Variants in CAMKMT observed in about 807,000 individuals in gnomAD.
The protein encoded by CAMKMT is calmodulin-lysine N-methyltransferase, also known as CaM KMT.
CAMKMT carries 53 observed loss-of-function variants against 48.0 expected under a neutral mutation model. The ratio of observed to expected loss-of-function variants is 1.10; its 90% CI spans 0.89 to 1.39. The LOEUF (loss-of-function observed/expected upper bound fraction) is 1.39, where lower values mean the gene tolerates loss of function less well. Among genes scored for constraint, CAMKMT ranks in the 40% most tolerant of loss-of-function variants. The pLI, the probability that CAMKMT is intolerant of heterozygous loss-of-function variation, is 0.00. For synonymous variants in CAMKMT, 165 were observed against 152.3 expected (o/e 1.08, Z -0.61); for missense variants, 428 against 402.7 (o/e 1.06, Z -0.54).
chr2:44,751,447 G>A (rs1383434547), intron 8 of CAMKMT, among the ~76,000 whole-genome samples: 1 of 152,170 alleles, frequency 6.6e-6, no homozygotes, highest in Non-Finnish European at 1.5e-5. Context: ...GCTGTAAAAT[G>A]TGGACAATAA....
intron 3 of CAMKMT, among the ~76,000 whole-genome samples, chr2:44,570,064 CA>C (rs913237573): frequency 3.3e-5 from 5 of 152,002 alleles, no homozygotes; most frequent in Admixed American, 2.6e-4. Flanking sequence ...AGATTATCCC[CA>C]TATCAGGTAT....
At chr2:44,593,282 A>C (rs748387167) in intron 3 of CAMKMT, among the ~76,000 whole-genome samples, 1 of 151,968 alleles carries the variant, frequency 6.6e-6, no homozygotes, top group African/African-American at 2.4e-5. Context: ...ACTGGATACT[A>C]TTTCCTTTAA....
At chr2:44,442,645 G>T (rs1274512414) in intron 3 of CAMKMT, among the ~76,000 whole-genome samples, 1 of 152,168 alleles carries the variant, frequency 6.6e-6, no homozygotes, top group African/African-American at 2.4e-5. Flanking sequence ...TTCTACTGAT[G>T]TTTCTAAATA....
intron 3 of CAMKMT, among the ~76,000 whole-genome samples, chr2:44,442,320 A>G (rs1666717362): frequency 6.6e-6 from 1 of 152,200 alleles, no homozygotes. Flanking sequence ...GTATATATAT[A>G]CACACATATA....
At position 44,569,478 on chromosome 2, in the gene CAMKMT, A is replaced by C. The variant is rs182474266; in HGVS notation, c.377-134805A>C. Among the ~76,000 whole-genome samples the C allele has an allele frequency of 1.7e-4, 26 of 152,226 alleles. 2 individuals are homozygous for C. Among genetic ancestry groups the C allele is most frequent in the Admixed American group, 4.6e-4 (7 of 15,286 alleles). ...TTTGTTTAATAACCTTACATTCCCA[A>C]TCTGTGTACTGTTACTATTGTCATT... On this transcript the variant is annotated intron_variant, in intron 3 of 10. Transcript: ENST00000378494.
chr2:44,656,089 C>G (rs529633415), intron 3 of CAMKMT, among the ~76,000 whole-genome samples: 1 of 152,212 alleles, frequency 6.6e-6, no homozygotes, highest in African/African-American at 2.4e-5. Flanking sequence ...GATTATAGCA[C>G]TATGAGAAAA....
At position 44,525,592 on chromosome 2, in the gene CAMKMT, T is replaced by C. The variant is rs544848766; in HGVS notation, c.376+135287T>C. Among the ~76,000 whole-genome samples the C allele has an allele frequency of 3.9e-5, 6 of 152,348 alleles. No homozygotes were observed. The East Asian group carries it at 1.2e-3, about 29-fold the overall frequency. ...CTTTTGAAAATATTACTATACATTT[T>C]CACAGAATAAATTTTAATTGTTTCT... On this transcript the variant is annotated intron_variant, in intron 3 of 10. Transcript: ENST00000378494.
intron 3 of CAMKMT, among the ~76,000 whole-genome samples, chr2:44,441,550 C>A (rs1197430881): frequency 6.6e-6 from 1 of 152,098 alleles, no homozygotes; most frequent in Non-Finnish European, 1.5e-5. Context: ...ACTGCGCTAT[C>A]TTAGGGTAGG....
intron 3 of CAMKMT, among the ~76,000 whole-genome samples, chr2:44,688,721 C>A (rs1050331996): frequency 1.3e-5 from 2 of 152,078 alleles, no homozygotes; most frequent in Non-Finnish European, 2.9e-5. Context: ...TCCCCCTTCC[C>A]CACACAGAAA....
intron 3 of CAMKMT, among the ~76,000 whole-genome samples, chr2:44,471,343 A>G (rs1483809319): frequency 6.6e-6 from 1 of 152,022 alleles, no homozygotes; most frequent in African/African-American, 2.4e-5. Context: ...ACATTTTTTT[A>G]TAAAATTTTA....
At chr2:44,606,821 C>T (rs2103879265) in intron 3 of CAMKMT, among the ~76,000 whole-genome samples, 1 of 150,442 alleles carries the variant, frequency 6.6e-6, no homozygotes, top group Middle Eastern at 3.4e-3. Flanking sequence ...CCCCCCCCAC[C>T]AAGATTACTG....
intron 3 of CAMKMT, among the ~76,000 whole-genome samples, chr2:44,480,523 T>A (rs1334754690): frequency 6.6e-6 from 1 of 152,208 alleles, no homozygotes; most frequent in Non-Finnish European, 1.5e-5. Flanking sequence ...ATTCAGAAAT[T>A]CAGCAACCCT....
chr2:44,381,437 A>G (rs1429068057), intron 2 of CAMKMT, among the ~76,000 whole-genome samples: 1 of 152,206 alleles, frequency 6.6e-6, no homozygotes, highest in Non-Finnish European at 1.5e-5. Context: ...GAATATTCTT[A>G]TTAAAATTAG....
intron 3 of CAMKMT, among the ~76,000 whole-genome samples, chr2:44,667,136 G>C (rs1675031436): frequency 6.6e-6 from 1 of 152,198 alleles, no homozygotes; most frequent in Non-Finnish European, 1.5e-5. Flanking sequence ...TGTGTTCTTG[G>C]AAAGAGAGCC....
At chr2:44,377,768 A>T (rs1679844659) in intron 2 of CAMKMT, among the ~76,000 whole-genome samples, 1 of 152,162 alleles carries the variant, frequency 6.6e-6, no homozygotes, top group Non-Finnish European at 1.5e-5. Flanking sequence ...AAAAGTCAAG[A>T]ATGACTTTGT....
At chr2:44,449,548 C>T (rs1283448161) in intron 3 of CAMKMT, among the ~76,000 whole-genome samples, 2 of 152,018 alleles carry the variant, frequency 1.3e-5, no homozygotes, top group African/African-American at 4.8e-5. Context: ...CTAGATTAAC[C>T]TTTTATCATG....
chr2:44,763,145 G>T (rs1680685947), intron 9 of CAMKMT, among the ~76,000 whole-genome samples: 1 of 152,146 alleles, frequency 6.6e-6, no homozygotes, highest in Non-Finnish European at 1.5e-5. Context: ...CTCAGTGAAT[G>T]AATGGATGAT....
chr2:44,609,438 TGTCA>T (rs147316165), intron 3 of CAMKMT, among the ~76,000 whole-genome samples: 278 of 152,310 alleles, frequency 1.8e-3, no homozygotes, highest in African/African-American at 6.2e-3. Flanking sequence ...CACAATTGTC[TGTCA>T]ATTTTTAAAT....
At chr2:44,363,463 C>T (rs559979132) in intron 1 of CAMKMT, among the ~76,000 whole-genome samples, 20 of 151,856 alleles carry the variant, frequency 1.3e-4, no homozygotes, top group Middle Eastern at 3.4e-3. Context: ...CCACAACCTC[C>T]GCCTCTAGGG....
Sources: allele counts gnomAD v4.1 joint callset (sites outside exome capture counted in the v4.1 genomes callset), GRCh38; gene constraint gnomAD v4.1.1; transcripts MANE v1.5; gene names NCBI Gene and HGNC (gene_info 2026-07-23, HGNC 2026-07-21).